The following GRM5 variants were observed in gnomAD, a reference collection of about 807,000 sequenced individuals.
The protein encoded by GRM5 is metabotropic glutamate receptor 5.
A neutral mutation model predicts 83.1 loss-of-function variants in GRM5; 19 were observed. The observed-to-expected ratio is 0.23, with a 90% CI of 0.16 to 0.34. GRM5 has a LOEUF of 0.34. Ranked by LOEUF, GRM5 falls within the 10% of genes least tolerant of loss-of-function variation. GRM5 has a pLI of 1.00. For missense variants in GRM5, 1,160 were observed against 1,588.3 expected (o/e 0.73, Z 4.58); for synonymous variants, 675 against 633.6 (o/e 1.07, Z -0.98).
At chr11:88,769,301 T>A (rs150974760) in intron 3 of GRM5, among the ~76,000 whole-genome samples, 2 of 152,044 alleles carry the variant, frequency 1.3e-5, no homozygotes, top group Admixed American at 1.3e-4. Context: ...AATATAGATA[T>A]AGATCGTTAC....
chr11:89,023,266 CTTTCT>C (rs1298599889), intron 2 of GRM5, among the ~76,000 whole-genome samples: 1 of 152,000 alleles, frequency 6.6e-6, no homozygotes, highest in Non-Finnish European at 1.5e-5. Flanking sequence ...ATTGTTATCC[CTTTCT>C]TTTGTCTCTG....
Position 88,558,954 on chromosome 11 carries a change from T to C in GRM5, c.2630+8099A>G, listed in dbSNP as rs138723349. ...ATAGAAGCAGAGTAAAAATGTGGTT[T>C]ATAAAGAGCTCATAATAAAAGTTTA... On this transcript the variant is annotated intron_variant, in intron 8 of 9. Transcript: ENST00000305447. 3.5e-3 allele frequency among the ~76,000 whole-genome samples: 531 copies of C among 152,026 alleles called. 2 individuals are homozygous for C. The highest frequency in any genetic ancestry group is 0.012 in the African/African-American group (511 of 41,494).
At chr11:88,550,155 GTGA>G (rs957302572) in intron 8 of GRM5, among the ~76,000 whole-genome samples, 1 of 152,124 alleles carries the variant, frequency 6.6e-6, no homozygotes, top group Admixed American at 6.6e-5. Flanking sequence ...GTCTGGAGAA[GTGA>G]TGATAAAATC....
At chr11:88,891,413 A>T (rs1945142298) in intron 2 of GRM5, among the ~76,000 whole-genome samples, 1 of 152,040 alleles carries the variant, frequency 6.6e-6, no homozygotes, top group Non-Finnish European at 1.5e-5. Context: ...TCAAGTTTCG[A>T]AATTGTCTTT....
chr11:88,831,121 A>C (rs983941912), intron 3 of GRM5, among the ~76,000 whole-genome samples: 3 of 152,098 alleles, frequency 2.0e-5, no homozygotes, highest in Non-Finnish European at 4.4e-5. Context: ...AGCCCTAAAC[A>C]ACTACAGTGA....
In GRM5 at chr11:88,995,544, CAAAAAAAA is replaced by C. The variant is rs1022656205; in HGVS notation, c.661+51660_661+51667del. Among the ~76,000 whole-genome samples, 22 of 16,912 alleles carry C rather than the reference CAAAAAAAA, an allele frequency of 1.3e-3. 1 individual carries two copies. The East Asian group carries it at 0.032, about 24-fold the overall frequency. The allele number at this position is 16,912 out of a possible 152,430, so 11.1% of individuals were successfully genotyped here. On this transcript the variant is annotated intron_variant, in intron 2 of 9. Coordinates refer to ENST00000305447, the MANE Select transcript of GRM5 (RefSeq NM_001143831.3). ...TGGCAACAAGAGCGAGACTCCATCT[CAAAAAAAA>C]AAAAAAAAAAAAAAAAAAGGCCAGT...
At chr11:88,693,805 A>T (rs564996949) in intron 3 of GRM5, among the ~76,000 whole-genome samples, 1 of 152,344 alleles carries the variant, frequency 6.6e-6, no homozygotes, top group South Asian at 2.1e-4. Flanking sequence ...GAGCCACACT[A>T]ATTGATCTCC....
Position 88,570,567 on chromosome 11 carries a change from ATATATTTTT to A in GRM5, c.1691-2584_1691-2576del, listed in dbSNP as rs1489407942. On this transcript the variant is annotated intron_variant, in intron 7 of 9. Transcript: ENST00000305447. ...GTATTAATAATATATATATATATAT[ATATATTTTT>A]TTTTTTTTTTTTTTTTTTTTTGAGA... is the stretch of plus-strand genomic sequence containing the variant. 3.8e-3 allele frequency among the ~76,000 whole-genome samples: 269 copies of A among 71,452 alleles called. 1 individual carries two copies. Among genetic ancestry groups the A allele is most frequent in the South Asian group, 0.037 (88 of 2,350 alleles). 46.9% of individuals were successfully genotyped at this position (71,452 alleles called of 152,430 possible).
At chr11:88,729,382 C>T (rs1456500394) in intron 3 of GRM5, among the ~76,000 whole-genome samples, 1 of 151,502 alleles carries the variant, frequency 6.6e-6, no homozygotes, top group Admixed American at 6.6e-5. Flanking sequence ...AATAAGAGGA[C>T]ACAAACAAAT....
chr11:88,872,147 A>G (rs898497663), intron 2 of GRM5, among the ~76,000 whole-genome samples: 1 of 151,468 alleles, frequency 6.6e-6, no homozygotes, highest in African/African-American at 2.4e-5. Flanking sequence ...GTATTCCTGG[A>G]AATTTTTGTG....
chr11:88,917,911 C>T (rs184011057), intron 2 of GRM5, among the ~76,000 whole-genome samples: 181 of 151,870 alleles, frequency 1.2e-3, no homozygotes, highest in African/African-American at 3.9e-3. Context: ...GGGTAGAAAG[C>T]ATATTGAAAA....
intron 4 of GRM5, among the ~76,000 whole-genome samples, chr11:88,611,718 T>G (rs1161121619): frequency 6.6e-6 from 1 of 152,194 alleles, no homozygotes; most frequent in African/African-American, 2.4e-5. Context: ...TTCAATCATT[T>G]CAGTTCTGAT....
intron 3 of GRM5, among the ~76,000 whole-genome samples, chr11:88,811,188 C>T (rs1007229359): frequency 2.0e-5 from 3 of 152,002 alleles, no homozygotes; most frequent in African/African-American, 7.3e-5. Context: ...TATTCAAATA[C>T]GTGTTTCCAG....
At chr11:88,815,974 G>A (rs1280694223) in intron 3 of GRM5, among the ~76,000 whole-genome samples, 2 of 151,084 alleles carry the variant, frequency 1.3e-5, no homozygotes, top group Admixed American at 1.3e-4. Context: ...AGCACTTTGG[G>A]AGGCCGAGGC....
chr11:88,719,532 T>C (rs941088982), intron 3 of GRM5, among the ~76,000 whole-genome samples: 2 of 152,102 alleles, frequency 1.3e-5, no homozygotes, highest in Non-Finnish European at 1.5e-5. Flanking sequence ...CACATGTGCA[T>C]GTGTCTTTAT....
chr11:88,831,220 GGATGCTGCTGTCA>G (rs1316848361), intron 3 of GRM5, among the ~76,000 whole-genome samples: 2 of 152,350 alleles, frequency 1.3e-5, no homozygotes, highest in Admixed American at 1.3e-4. Flanking sequence ...GATCACAGAT[GGATGCTGCTGTCA>G]GATGCTATGG....
In GRM5 at chr11:88,508,981, C is replaced by T. The variant is rs1475537046; in HGVS notation, c.3250G>A (p.Ala1084Thr). ...ELNSMMLSTA[A>T]PSPGVGAPLC... ...GGGGCGCCGACGCCGGGGCTGGGGG[C>T]CGCGGTGGACAGCATCATGGAGTTG... is the stretch of plus-strand genomic sequence containing the variant. The change falls in exon 10 of 10, where the codon GCC becomes ACC. Residue 1084 changes from alanine (A) to threonine (T), a missense_variant. Coordinates refer to ENST00000305447, the MANE Select transcript of GRM5 (RefSeq NM_001143831.3). This position sits in a 1 kb window ranked among gnomAD's most constrained non-coding sequence, Gnocchi z 4.2. The T allele has an allele frequency of 6.3e-7, 1 of 1,582,816 alleles. No individual in the cohort carries two copies. The highest frequency in any genetic ancestry group is 1.8e-5 in the Admixed American group (1 of 55,062).
At chr11:88,925,996 C>CT (rs564788083) in intron 2 of GRM5, among the ~76,000 whole-genome samples, 79 of 152,298 alleles carry the variant, frequency 5.2e-4, no homozygotes, top group African/African-American at 1.9e-3. Context: ...GCTAGGTACA[C>CT]TCTTAAAGGA....
At chr11:88,958,274 TTC>T (rs1413924522) in intron 2 of GRM5, among the ~76,000 whole-genome samples, 1 of 150,450 alleles carries the variant, frequency 6.6e-6, no homozygotes, top group Admixed American at 6.6e-5. Flanking sequence ...ATATGAATTT[TTC>T]TTTTTACTGC....
Sources: allele counts gnomAD v4.1 joint callset (sites outside exome capture counted in the v4.1 genomes callset), GRCh38; gene constraint gnomAD v4.1.1; non-coding constraint Gnocchi (gnomAD v3.1); transcripts MANE v1.5; gene names NCBI Gene and HGNC (gene_info 2026-07-23, HGNC 2026-07-21).